SNTB1: variants seen among roughly 807,000 people sequenced by gnomAD.
SNTB1 encodes syntrophin beta 1.
In SNTB1, 36 loss-of-function variants were observed where a neutral mutation model predicts 48.9. That is an observed-to-expected ratio of 0.74 (90% CI 0.56 to 0.97). The LOEUF is 0.97. Among genes scored for constraint, SNTB1 ranks in the 50% least tolerant of loss-of-function variants. The pLI is 0.00. For synonymous variants in SNTB1, 299 were observed against 294.6 expected, an observed-to-expected ratio of 1.01 and a Z score of -0.15; for missense variants, 786 against 703.4, an observed-to-expected ratio of 1.12 and a Z score of -1.33.
In SNTB1 at chr8:120,682,407, T is replaced by A. The variant is rs549982323; in HGVS notation, c.788+11285A>T. Among the ~76,000 whole-genome samples, 119 of 152,356 alleles carry A rather than the reference T, an allele frequency of 7.8e-4. No individual in the cohort carries two copies. In the Middle Eastern group the frequency reaches 0.017, roughly 22 times the overall value. ...CACCAGGCAGTACTTCTTTACTTAG[T>A]CTCATTCACTATATATGCTTAAAAA... On this transcript the variant is annotated intron_variant, in intron 2 of 6. Coordinates refer to ENST00000517992, the MANE Select transcript of SNTB1 (RefSeq NM_021021.4).
At chr8:120,661,472 T>C (rs1817586779) in intron 2 of SNTB1, among the ~76,000 whole-genome samples, 1 of 152,166 alleles carries the variant, frequency 6.6e-6, no homozygotes, top group Non-Finnish European at 1.5e-5. Context: ...AGATTTCTTT[T>C]TTTAATTATT....
chr8:120,729,566 G>A (rs1818818389), intron 1 of SNTB1, among the ~76,000 whole-genome samples: 1 of 152,192 alleles, frequency 6.6e-6, no homozygotes, highest in Middle Eastern at 3.2e-3. Flanking sequence ...TTTGGTACTT[G>A]TTGAATTCTC....
chr8:120,694,736 C>T (rs1465652760), intron 1 of SNTB1, among the ~76,000 whole-genome samples: 5 of 151,668 alleles, frequency 3.3e-5, no homozygotes, highest in Non-Finnish European at 5.9e-5. Context: ...TATATGCCTA[C>T]AATTATTTCT....
chr8:120,572,265 C>T (rs865994551), intron 4 of SNTB1, among the ~76,000 whole-genome samples: 8 of 152,216 alleles, frequency 5.3e-5, no homozygotes, highest in African/African-American at 1.9e-4. Flanking sequence ...CTGTCCACTA[C>T]GCTTTGTCTC....
intron 3 of SNTB1, among the ~76,000 whole-genome samples, chr8:120,609,833 C>G (rs112990807): frequency 0.019 from 2,868 of 152,246 alleles, 100 homozygotes; most frequent in African/African-American, 0.066. Flanking sequence ...GGCCACTGTT[C>G]TGTCTGATGT....
chr8:120,712,818 C>T (rs1354413200), intron 1 of SNTB1, among the ~76,000 whole-genome samples: 12 of 152,112 alleles, frequency 7.9e-5, no homozygotes, highest in Non-Finnish European at 1.6e-4. Context: ...AGCTGAATCT[C>T]AGGCAGGTAG....
intron 3 of SNTB1, among the ~76,000 whole-genome samples, chr8:120,608,495 C>T (rs1335898188): frequency 6.6e-6 from 1 of 152,136 alleles, no homozygotes; most frequent in African/African-American, 2.4e-5. Context: ...GAGGGAAGAA[C>T]AGATGAAGAC....
At chr8:120,770,654 A>T (rs1451391235) in intron 1 of SNTB1, among the ~76,000 whole-genome samples, 2 of 152,116 alleles carry the variant, frequency 1.3e-5, no homozygotes, top group Non-Finnish European at 2.9e-5. Flanking sequence ...CTTTACTAAA[A>T]ATACAAAAAT....
intron 2 of SNTB1, among the ~76,000 whole-genome samples, chr8:120,664,863 G>A (rs750833202): frequency 1.2e-4 from 19 of 152,278 alleles, no homozygotes; most frequent in Non-Finnish European, 1.6e-4. Flanking sequence ...GTATCAGAGT[G>A]ACTGTACCAT....
At chr8:120,606,409 A>ATGTG (rs10559437) in intron 3 of SNTB1, among the ~76,000 whole-genome samples, 39 of 147,964 alleles carry the variant, frequency 2.6e-4, no homozygotes, top group African/African-American at 9.4e-4. Flanking sequence ...GTGTGTATAT[A>ATGTG]TGTGTGTGTG....
intron 1 of SNTB1, among the ~76,000 whole-genome samples, chr8:120,725,510 T>G (rs1818737511): frequency 6.6e-6 from 1 of 152,222 alleles, no homozygotes; most frequent in Non-Finnish European, 1.5e-5. Context: ...CAGCTGCAAA[T>G]TAGCTCACAA....
rs1815214188 is a variant in SNTB1 at position 120,537,131 on chromosome 8, C to A, written c.*1746G>T. 7.9e-6 allele frequency: 1 copy of A among 127,248 alleles called. No individual in the cohort carries two copies. The highest frequency in any genetic ancestry group is 3.9e-5 in the African/African-American group (1 of 25,926). The allele number at this position is 127,248 out of a possible 1,614,324, so 7.9% of individuals were successfully genotyped here. ...AGTCAATATCCTAAAGCTGTGTTTTCTAAAGCATTAAAAAAAAAAAACAAA... is the reference window on the plus strand; with the variant it reads ...AGTCAATATCCTAAAGCTGTGTTTTATAAAGCATTAAAAAAAAAAAACAAA... On this transcript the variant is annotated 3_prime_UTR_variant, in exon 7 of 7. Transcript: ENST00000517992.
At chr8:120,733,146 C>T (rs1009294320) in intron 1 of SNTB1, among the ~76,000 whole-genome samples, 8 of 152,184 alleles carry the variant, frequency 5.3e-5, no homozygotes, top group Non-Finnish European at 1.2e-4. Flanking sequence ...GACAAATAGC[C>T]TTTCTAACAA....
intron 1 of SNTB1, among the ~76,000 whole-genome samples, chr8:120,728,186 A>G (rs1004283842): frequency 3.3e-5 from 5 of 151,854 alleles, no homozygotes; most frequent in African/African-American, 1.2e-4. Flanking sequence ...TTTTTGATAG[A>G]GATGGGGTTT....
At chr8:120,706,516 C>G (rs1040176510) in intron 1 of SNTB1, among the ~76,000 whole-genome samples, 1 of 152,126 alleles carries the variant, frequency 6.6e-6, no homozygotes, top group African/African-American at 2.4e-5. Flanking sequence ...AATTTGCCAG[C>G]AATTTGCCCT....
intron 1 of SNTB1, among the ~76,000 whole-genome samples, chr8:120,786,322 A>G (rs1038309768): frequency 2.0e-5 from 3 of 152,150 alleles, no homozygotes; most frequent in African/African-American, 7.2e-5. Flanking sequence ...TGCACTTTCT[A>G]CTTGTGGGAA....
chr8:120,624,553 G>C (rs1816845526), intron 3 of SNTB1, among the ~76,000 whole-genome samples: 1 of 152,176 alleles, frequency 6.6e-6, no homozygotes, highest in Non-Finnish European at 1.5e-5. Context: ...TGTAGACTAA[G>C]TTTCTAACAC....
chr8:120,686,950 T>C (rs796954294), intron 2 of SNTB1, among the ~76,000 whole-genome samples: 1 of 152,108 alleles, frequency 6.6e-6, no homozygotes, highest in Non-Finnish European at 1.5e-5. Context: ...ATTCAGAAAA[T>C]ACATATTTTG....
intron 1 of SNTB1, among the ~76,000 whole-genome samples, chr8:120,769,971 A>G (rs564905890): frequency 1.3e-5 from 2 of 152,338 alleles, no homozygotes; most frequent in East Asian, 3.9e-4. Context: ...AAGAACAAAA[A>G]CAGGGTTGAA....
Sources: allele counts gnomAD v4.1 joint callset (sites outside exome capture counted in the v4.1 genomes callset), GRCh38; gene constraint gnomAD v4.1.1; transcripts MANE v1.5; gene names NCBI Gene and HGNC (gene_info 2026-07-23, HGNC 2026-07-21).